The following KLHL29 variants were observed in gnomAD, a reference collection of about 807,000 sequenced individuals.
KLHL29 encodes kelch like family member 29.
In KLHL29, 21 loss-of-function variants were observed where a neutral mutation model predicts 80.4. The observed-to-expected ratio is 0.26, with a 90% CI of 0.19 to 0.38. KLHL29 has a LOEUF of 0.38. KLHL29 is among the 10% of genes least tolerant of loss of function. KLHL29 has a pLI of 1.00. For synonymous variants in KLHL29, 511 were observed against 526.8 expected, an observed-to-expected ratio of 0.97 and a Z score of 0.41; for missense variants, 867 against 1,223.9, an observed-to-expected ratio of 0.71 and a Z score of 4.35.
At chr2:23,420,843 C>A (rs953458247) in intron 1 of KLHL29, among the ~76,000 whole-genome samples, 2 of 152,176 alleles carry the variant, frequency 1.3e-5, no homozygotes, top group Non-Finnish European at 1.5e-5. Context: ...ACATGTACGA[C>A]TCATCTTTCC....
chr2:23,659,761 C>A (rs969740716), intron 5 of KLHL29, among the ~76,000 whole-genome samples: 34 of 152,206 alleles, frequency 2.2e-4, no homozygotes, highest in African/African-American at 7.7e-4. Context: ...CTCCCCAGGG[C>A]CTCCTGCAGC....
chr2:23,430,791 G>A (rs1035468802), intron 1 of KLHL29, among the ~76,000 whole-genome samples: 24 of 152,330 alleles, frequency 1.6e-4, no homozygotes, highest in African/African-American at 5.5e-4. Flanking sequence ...TAGATAGTGA[G>A]CGGCCCTTGG....
intron 2 of KLHL29, among the ~76,000 whole-genome samples, chr2:23,525,728 CCCCCCCCCCCACCCGAG>C (rs1666287785): frequency 1.9e-5 from 1 of 53,620 alleles, no homozygotes; most frequent in Admixed American, 1.5e-4. Flanking sequence ...CAGCCCCTGC[CCCCCCCCCCCACCCGAG>C]GCGAGCCAGC....
At chr2:23,640,437 C>T (rs963890692) in intron 4 of KLHL29, among the ~76,000 whole-genome samples, 2 of 152,166 alleles carry the variant, frequency 1.3e-5, no homozygotes, top group African/African-American at 4.8e-5. Flanking sequence ...CCTGGGGCCC[C>T]ACCCATTACG....
chr2:23,686,822 C>T (rs534163771), intron 6 of KLHL29, among the ~76,000 whole-genome samples: 5 of 152,220 alleles, frequency 3.3e-5, no homozygotes, highest in African/African-American at 9.6e-5. Context: ...ACAGTAAGGT[C>T]ACACAGGAAA....
intron 2 of KLHL29, among the ~76,000 whole-genome samples, chr2:23,520,060 C>G (rs1666046579): frequency 6.6e-6 from 1 of 152,184 alleles, no homozygotes; most frequent in Admixed American, 6.5e-5. Flanking sequence ...AGATATTTTC[C>G]TTTCACTGGT....
chr2:23,492,800 TC>T (rs1243072497), intron 2 of KLHL29, among the ~76,000 whole-genome samples: 1 of 152,150 alleles, frequency 6.6e-6, no homozygotes, highest in East Asian at 1.9e-4. Flanking sequence ...ACAGAGCTAG[TC>T]CTGGCTGGTC....
At chr2:23,439,193 T>C (rs1663436413) in intron 1 of KLHL29, among the ~76,000 whole-genome samples, 1 of 151,826 alleles carries the variant, frequency 6.6e-6, no homozygotes, top group Non-Finnish European at 1.5e-5. Flanking sequence ...TATTTGATTC[T>C]TCTCTCTTTT....
chr2:23,692,374 C>G (rs1360242607), intron 7 of KLHL29, among the ~76,000 whole-genome samples: 3 of 152,210 alleles, frequency 2.0e-5, no homozygotes, highest in Non-Finnish European at 4.4e-5. Context: ...CAGGAGCTCC[C>G]GGGGGGGTCG....
chr2:23,462,259 C>T (rs1180490273), intron 1 of KLHL29, among the ~76,000 whole-genome samples: 7 of 152,114 alleles, frequency 4.6e-5, no homozygotes, highest in Non-Finnish European at 8.8e-5. Flanking sequence ...AGAGTTCTGG[C>T]AAAGCATAGG....
intron 3 of KLHL29, among the ~76,000 whole-genome samples, chr2:23,571,251 G>A (rs964963099): frequency 3.9e-5 from 6 of 152,212 alleles, no homozygotes; most frequent in East Asian, 3.9e-4. Context: ...GGAGGATGGC[G>A]GGGAATGGAG....
chr2:23,429,574 G>A (rs907182328), intron 1 of KLHL29, among the ~76,000 whole-genome samples: 14 of 152,170 alleles, frequency 9.2e-5, no homozygotes, highest in Non-Finnish European at 1.8e-4. Context: ...CCAACATGGT[G>A]AAACCTCGTC....
intron 2 of KLHL29, among the ~76,000 whole-genome samples, chr2:23,513,775 GTGGACTC>G (rs1665846447): frequency 3.3e-5 from 5 of 152,156 alleles, no homozygotes; most frequent in Admixed American, 3.3e-4. Flanking sequence ...CCGAGGAGGT[GTGGACTC>G]TGGCAAGAGG....
intron 2 of KLHL29, among the ~76,000 whole-genome samples, chr2:23,559,808 A>G (rs1434469483): frequency 6.6e-6 from 1 of 151,938 alleles, no homozygotes; most frequent in Non-Finnish European, 1.5e-5. Flanking sequence ...TGGAGGGATG[A>G]GATCATCCGG....
At chr2:23,484,230 A>G (rs1338322557) in intron 2 of KLHL29, among the ~76,000 whole-genome samples, 1 of 151,856 alleles carries the variant, frequency 6.6e-6, no homozygotes, top group Non-Finnish European at 1.5e-5. Flanking sequence ...GCCAATACCT[A>G]TTTTCACCCT....
At chr2:23,443,560 A>G (rs1663592254) in intron 1 of KLHL29, among the ~76,000 whole-genome samples, 1 of 152,226 alleles carries the variant, frequency 6.6e-6, no homozygotes, top group South Asian at 2.1e-4. Context: ...TGTCCCACAT[A>G]GTACATTTGC....
chr2:23,601,417 T>C (rs565632391), intron 3 of KLHL29, among the ~76,000 whole-genome samples: 1 of 152,270 alleles, frequency 6.6e-6, no homozygotes, highest in African/African-American at 2.4e-5. Flanking sequence ...GTTGAAGTAA[T>C]TTACGTGGTC....
chr2:23,423,239 C>G (rs935998820), intron 1 of KLHL29, among the ~76,000 whole-genome samples: 1 of 152,228 alleles, frequency 6.6e-6, no homozygotes, highest in Non-Finnish European at 1.5e-5. Context: ...CGGCTGCTGT[C>G]CAGGGCCGGG....
intron 1 of KLHL29, among the ~76,000 whole-genome samples, chr2:23,399,419 AT>A (rs1326292768): frequency 6.6e-6 from 1 of 152,272 alleles, no homozygotes; most frequent in African/African-American, 2.4e-5. Context: ...CAATAAAAAA[AT>A]AGATTTCCAA....
Sources: gnomAD v4.1 joint callset for allele counts (sites outside exome capture counted in the v4.1 genomes callset) on GRCh38, gnomAD v4.1.1 for gene constraint, MANE v1.5 for transcripts, NCBI Gene and HGNC (gene_info 2026-07-23, HGNC 2026-07-21) for gene names.